TMEM117: variants seen among roughly 807,000 people sequenced by gnomAD.
TMEM117 encodes transmembrane protein 117.
A neutral mutation model predicts 52.4 loss-of-function variants in TMEM117; 27 were observed. The ratio of observed to expected loss-of-function variants is 0.51; its 90% CI spans 0.38 to 0.71. The LOEUF is 0.71. Ranked by LOEUF, TMEM117 falls within the 30% of genes least tolerant of loss-of-function variation. The pLI, the probability that TMEM117 is intolerant of heterozygous loss-of-function variation, is 0.00. For synonymous variants in TMEM117, 215 were observed against 206.3 expected (o/e 1.04, Z -0.36); for missense variants, 556 against 630.5 (o/e 0.88, Z 1.26).
chr12:44,149,229 C>A (rs147516366), intron 4 of TMEM117, among the ~76,000 whole-genome samples: 215 of 152,236 alleles, frequency 1.4e-3, no homozygotes, highest in African/African-American at 5.0e-3. Context: ...AGCTCTGGGG[C>A]AGAAGGAAGC....
chr12:43,904,028 G>C (rs1437986265), intron 2 of TMEM117, among the ~76,000 whole-genome samples: 1 of 152,114 alleles, frequency 6.6e-6, no homozygotes, highest in African/African-American at 2.4e-5. Context: ...TGTTATAAGT[G>C]AATGCCTGGT....
At chr12:43,982,914 C>T (rs1945784279) in intron 3 of TMEM117, among the ~76,000 whole-genome samples, 2 of 152,152 alleles carry the variant, frequency 1.3e-5, no homozygotes, top group South Asian at 2.1e-4. Context: ...CAATGATATC[C>T]TTAATCTATT....
Position 44,200,074 on chromosome 12 carries a change from G to A in TMEM117, c.511-11216G>A, listed in dbSNP as rs371328369. On this transcript the variant is annotated intron_variant, in intron 4 of 7. Transcript: ENST00000266534. ...ATGGAGGTTGCAGTGAGCCGAGATC[G>A]TGCCACTGCACTCTGGCCTGGGCAT... 3.1e-4 allele frequency among the ~76,000 whole-genome samples: 47 copies of A among 152,246 alleles called. 1 individual carries two copies. The highest frequency in any genetic ancestry group is 5.1e-4 in the African/African-American group (21 of 41,550).
At chr12:44,115,773 A>G (rs1948130743) in intron 3 of TMEM117, among the ~76,000 whole-genome samples, 2 of 152,198 alleles carry the variant, frequency 1.3e-5, no homozygotes, top group South Asian at 2.1e-4. Context: ...TACTATGTGT[A>G]CTATGCCTGG....
At chr12:44,036,987 C>T (rs891249176) in intron 3 of TMEM117, among the ~76,000 whole-genome samples, 4 of 152,156 alleles carry the variant, frequency 2.6e-5, no homozygotes, top group Non-Finnish European at 2.9e-5. Context: ...TTGATGGCAG[C>T]AGCGGCCCAC....
intron 2 of TMEM117, among the ~76,000 whole-genome samples, chr12:43,886,358 A>G (rs1943994640): frequency 6.6e-6 from 1 of 152,244 alleles, no homozygotes; most frequent in African/African-American, 2.4e-5. Flanking sequence ...TTCAACAACA[A>G]CAACAACAAA....
At chr12:43,832,352 G>A (rs1290669052), upstream of TMEM117, among the ~76,000 whole-genome samples, 6 of 152,186 alleles carry the variant, frequency 3.9e-5, no homozygotes, top group Non-Finnish European at 5.9e-5. Flanking sequence ...ATAGATGTTG[G>A]TCATTTAAAA....
At chr12:44,127,331 C>G (rs186386032) in intron 3 of TMEM117, among the ~76,000 whole-genome samples, 1 of 151,854 alleles carries the variant, frequency 6.6e-6, no homozygotes, top group Non-Finnish European at 1.5e-5. Flanking sequence ...AAATACAAAT[C>G]TAGGCGTTGT....
intron 5 of TMEM117, among the ~76,000 whole-genome samples, chr12:44,227,371 A>G (rs981778795): frequency 1.3e-5 from 2 of 152,072 alleles, no homozygotes. Flanking sequence ...GGCTGAGGTG[A>G]GCAGATCACT....
chr12:43,862,641 A>G (rs982969799), intron 2 of TMEM117, among the ~76,000 whole-genome samples: 5 of 152,208 alleles, frequency 3.3e-5, no homozygotes, highest in African/African-American at 1.2e-4. Flanking sequence ...TATAAACAAA[A>G]CAAAACAGGG....
chr12:44,196,289 T>G (rs188435806), intron 4 of TMEM117, among the ~76,000 whole-genome samples: 71 of 152,082 alleles, frequency 4.7e-4, no homozygotes, highest in Non-Finnish European at 7.5e-4. Flanking sequence ...TTAATAAAAA[T>G]AAAGGTACTA....
chr12:44,323,026 G>A (rs1951152711), intron 6 of TMEM117, among the ~76,000 whole-genome samples: 1 of 152,146 alleles, frequency 6.6e-6, no homozygotes, highest in Admixed American at 6.5e-5. Flanking sequence ...GGAAGCAGAA[G>A]ACAACCAGAG....
At chr12:44,249,688 C>T (rs1950174318) in intron 5 of TMEM117, among the ~76,000 whole-genome samples, 1 of 152,094 alleles carries the variant, frequency 6.6e-6, no homozygotes, top group Admixed American at 6.6e-5. Context: ...AGTAACACTA[C>T]ACATCTACAA....
At chr12:44,286,141 CA>C (rs1477276534) in intron 5 of TMEM117, among the ~76,000 whole-genome samples, 11 of 151,668 alleles carry the variant, frequency 7.3e-5, no homozygotes, top group Non-Finnish European at 1.2e-4. Context: ...GGTTGCATTC[CA>C]ACATTTTAAC....
At chr12:44,200,822 T>C (rs1421195095) in intron 4 of TMEM117, among the ~76,000 whole-genome samples, 1 of 152,144 alleles carries the variant, frequency 6.6e-6, no homozygotes, top group Non-Finnish European at 1.5e-5. Flanking sequence ...CTAAAAGCCC[T>C]GGCACAATGC....
At chr12:43,944,679 G>A (rs994535986) in intron 3 of TMEM117, among the ~76,000 whole-genome samples, 2 of 152,058 alleles carry the variant, frequency 1.3e-5, no homozygotes. Flanking sequence ...TCATAGAGTG[G>A]GGCTAAGATG....
At chr12:44,241,060 T>C (rs1187621699) in intron 5 of TMEM117, among the ~76,000 whole-genome samples, 10 of 152,046 alleles carry the variant, frequency 6.6e-5, no homozygotes. Flanking sequence ...AAGTCCCTTG[T>C]ATAAAATGCC....
intron 5 of TMEM117, among the ~76,000 whole-genome samples, chr12:44,274,514 G>A (rs1433764725): frequency 6.6e-6 from 1 of 151,982 alleles, no homozygotes; most frequent in Non-Finnish European, 1.5e-5. Context: ...TAAGCAAAAA[G>A]AACTAAACTG....
At chr12:44,104,486 A>T (rs1334874483) in intron 3 of TMEM117, among the ~76,000 whole-genome samples, 1 of 151,856 alleles carries the variant, frequency 6.6e-6, no homozygotes, top group Non-Finnish European at 1.5e-5. Context: ...AAATTACCTT[A>T]TTTATGTAAA....
Sources: allele counts gnomAD v4.1 joint callset (sites outside exome capture counted in the v4.1 genomes callset), GRCh38; gene constraint gnomAD v4.1.1; transcripts MANE v1.5; gene names NCBI Gene and HGNC (gene_info 2026-07-23, HGNC 2026-07-21).